The following CNTNAP5 variants were observed in gnomAD, a reference collection of about 807,000 sequenced individuals.
The protein encoded by CNTNAP5 is contactin associated protein family member 5, also known as contactin-associated protein-like 5.
Under a neutral mutation model 150.2 loss-of-function variants are expected in CNTNAP5, and 72 were observed. The observed-to-expected ratio is 0.48, with a 90% CI of 0.40 to 0.58. The LOEUF is 0.58. CNTNAP5 is among the 20% of genes least tolerant of loss of function. The pLI is 0.00. For missense variants in CNTNAP5, 1,636 were observed against 1,626.2 expected (o/e 1.01, Z -0.10); for synonymous variants, 672 against 619.8 (o/e 1.08, Z -1.25).
In CNTNAP5 at chr2:124,900,104, T is replaced by C. The variant is rs895293822; in HGVS notation, c.3437-2778T>C. Among the ~76,000 whole-genome samples the C allele has an allele frequency of 2.1e-4, 32 of 151,520 alleles. 3 individuals are homozygous for C. The highest frequency in any genetic ancestry group is 7.6e-4 in the African/African-American group (31 of 40,928). ...CAGTACATCTTTGAACTTCTTCGAGTCCTAGTTACTTCATTTGTAAATTTT... is the reference window on the plus strand; with the variant it reads ...CAGTACATCTTTGAACTTCTTCGAGCCCTAGTTACTTCATTTGTAAATTTT... On this transcript the variant is annotated intron_variant, in intron 21 of 23. Transcript: ENST00000682447.
intron 3 of CNTNAP5, among the ~76,000 whole-genome samples, chr2:124,273,674 C>A (rs1381798694): frequency 6.6e-6 from 1 of 152,158 alleles, no homozygotes; most frequent in East Asian, 1.9e-4. Context: ...CCCTGGTTCA[C>A]CTGAATGTGA....
chr2:124,609,708 A>G, intron 11 of CNTNAP5, 93 bp from the exon 12 acceptor site: 2 of 1,403,966 alleles, frequency 1.4e-6, no homozygotes, highest in Non-Finnish European at 1.9e-6. Flanking sequence ...AAATGAATAC[A>G]CATAGAGCAA....
chr2:124,845,940 T>G (rs911925325), intron 19 of CNTNAP5, among the ~76,000 whole-genome samples: 13 of 150,958 alleles, frequency 8.6e-5, no homozygotes, highest in Non-Finnish European at 1.9e-4. Flanking sequence ...AGAACCAGCT[T>G]TTTTTTTTCA....
At chr2:124,524,215 G>T in intron 8 of CNTNAP5, 88 bp from the exon 9 acceptor site, 1 of 1,380,570 alleles carries the variant, frequency 7.2e-7, no homozygotes. Flanking sequence ...AGAATGGCAT[G>T]GACGGCAGCA....
At chr2:124,671,884 C>T (rs1180912608) in intron 13 of CNTNAP5, among the ~76,000 whole-genome samples, 6 of 152,128 alleles carry the variant, frequency 3.9e-5, no homozygotes, top group East Asian at 1.9e-4. Context: ...AGGTGATCCT[C>T]CCGCTTTGGC....
intron 4 of CNTNAP5, among the ~76,000 whole-genome samples, chr2:124,418,870 C>T (rs1558893161): frequency 6.6e-6 from 1 of 151,640 alleles, no homozygotes; most frequent in African/African-American, 2.4e-5. Context: ...CGCGGTGGCT[C>T]ACGCCTGTAA....
intron 13 of CNTNAP5, among the ~76,000 whole-genome samples, chr2:124,746,227 A>G (rs1680600153): frequency 6.6e-6 from 1 of 152,224 alleles, no homozygotes; most frequent in Non-Finnish European, 1.5e-5. Context: ...CTAATGATGT[A>G]TAACACTTTC....
intron 1 of CNTNAP5, among the ~76,000 whole-genome samples, chr2:124,054,896 T>C (rs1460943217): frequency 2.6e-5 from 4 of 152,202 alleles, no homozygotes; most frequent in Non-Finnish European, 5.9e-5. Flanking sequence ...AGAGAAGCTC[T>C]CTCTACTGTA....
chr2:124,753,604 C>A (rs537224770), intron 14 of CNTNAP5, among the ~76,000 whole-genome samples: 1 of 152,292 alleles, frequency 6.6e-6, no homozygotes, highest in South Asian at 2.1e-4. Flanking sequence ...CATTTACCAT[C>A]ATATATTCCA....
intron 8 of CNTNAP5, among the ~76,000 whole-genome samples, chr2:124,518,068 T>C (rs1308101213): frequency 5.9e-5 from 9 of 152,004 alleles, no homozygotes; most frequent in Non-Finnish European, 1.2e-4. Flanking sequence ...ACAAGACACC[T>C]ACTCCTAACA....
intron 14 of CNTNAP5, among the ~76,000 whole-genome samples, chr2:124,762,512 C>T (rs964078677): frequency 4.6e-5 from 7 of 152,056 alleles, no homozygotes; most frequent in African/African-American, 1.7e-4. Flanking sequence ...TCACTGCCAC[C>T]ATTTTTGAGC....
At chr2:124,320,594 C>T (rs892926371) in intron 3 of CNTNAP5, among the ~76,000 whole-genome samples, 1 of 152,054 alleles carries the variant, frequency 6.6e-6, no homozygotes, top group Non-Finnish European at 1.5e-5. Flanking sequence ...AAACCTTTAA[C>T]CCCTTCATCA....
rs549383986 is a variant in CNTNAP5, at chr2:124,892,729, C to T, written c.3437-10153C>T. 5.9e-5 allele frequency among the ~76,000 whole-genome samples: 9 copies of T among 152,202 alleles called. 1 individual carries two copies. The South Asian group carries it at 1.9e-3, about 32-fold the overall frequency. ...GACACAATATCCAATGTTTTGTTCT[C>T]AGTTCGACCTCAATTAGTATTTACC... On this transcript the variant is annotated intron_variant, in intron 21 of 23. Transcript: ENST00000682447.
intron 1 of CNTNAP5, among the ~76,000 whole-genome samples, chr2:124,064,395 A>G (rs1316172907): frequency 6.6e-6 from 1 of 152,052 alleles, no homozygotes; most frequent in African/African-American, 2.4e-5. Flanking sequence ...CTCATTAGCC[A>G]TGTCTAATCA....
intron 3 of CNTNAP5, among the ~76,000 whole-genome samples, chr2:124,334,210 C>T (rs931800139): frequency 6.6e-6 from 1 of 152,012 alleles, no homozygotes; most frequent in African/African-American, 2.4e-5. Context: ...TATGTAATAA[C>T]CAGAAGTGTG....
rs1356722545 is a variant in CNTNAP5 at position 124,523,651 on chromosome 2, T to A, written c.1328-652T>A. 2.0e-5 allele frequency among the ~76,000 whole-genome samples: 3 copies of A among 152,164 alleles called. No individual in the cohort carries two copies. The East Asian group carries it at 5.8e-4, about 29-fold the overall frequency. On this transcript the variant is annotated intron_variant, in intron 8 of 23. Transcript: ENST00000682447. Reference sequence around the variant, plus strand: ...GAGTGTCGTGCCTCATTTCATTTGATCCCTTTAACAATAATAAGGAATAGG... The same window carrying A: ...GAGTGTCGTGCCTCATTTCATTTGAACCCTTTAACAATAATAAGGAATAGG...
intron 1 of CNTNAP5, among the ~76,000 whole-genome samples, chr2:124,042,372 A>T (rs1215851262): frequency 2.0e-5 from 3 of 152,166 alleles, no homozygotes; most frequent in Admixed American, 6.5e-5. Flanking sequence ...GATAAAGAAT[A>T]TTTTTAAGAA....
chr2:124,464,239 C>A (rs919617557), intron 6 of CNTNAP5, among the ~76,000 whole-genome samples: 1 of 151,928 alleles, frequency 6.6e-6, no homozygotes, highest in Non-Finnish European at 1.5e-5. Context: ...AGCAAGGGAG[C>A]GCAGGCACTT....
At chr2:124,455,962 T>C (rs1693108705) in intron 6 of CNTNAP5, among the ~76,000 whole-genome samples, 2 of 152,174 alleles carry the variant, frequency 1.3e-5, no homozygotes. Context: ...AACGTAATAC[T>C]GAGTGGGGAA....
Sources: allele counts gnomAD v4.1 joint callset (sites outside exome capture counted in the v4.1 genomes callset), GRCh38; gene constraint gnomAD v4.1.1; transcripts MANE v1.5; gene names NCBI Gene and HGNC (gene_info 2026-07-23, HGNC 2026-07-21).